SOBP: variants seen among roughly 807,000 people sequenced by gnomAD.
SOBP encodes the protein sine oculis-binding protein homolog.
SOBP carries 4 observed loss-of-function variants against 53.6 expected under a neutral mutation model. The observed-to-expected ratio is 0.07, with a 90% CI of 0.04 to 0.17. The LOEUF (loss-of-function observed/expected upper bound fraction) is 0.17, where lower values mean the gene tolerates loss of function less well. Ranked by LOEUF, SOBP falls within the 10% of genes least tolerant of loss-of-function variation. SOBP has a pLI of 1.00. For missense variants in SOBP, 1,088 were observed against 1,204.7 expected, an observed-to-expected ratio of 0.90 and a Z score of 1.43; for synonymous variants, 584 against 522.6, an observed-to-expected ratio of 1.12 and a Z score of -1.60.
intron 6 of SOBP, among the ~76,000 whole-genome samples, chr6:107,656,371 A>AAGAAAGAAAGAAAGAC (rs139349510): frequency 2.5e-5 from 2 of 79,320 alleles, no homozygotes; most frequent in Admixed American, 2.6e-4. Context: ...GAAAGAAAGT[A>AAGAAAGAAAGAAAGAC]AGTCAAATGT....
At chr6:107,576,104 C>T (rs551586449) in intron 4 of SOBP, among the ~76,000 whole-genome samples, 3 of 152,280 alleles carry the variant, frequency 2.0e-5, no homozygotes, top group African/African-American at 7.2e-5. Context: ...CTGATAGCAC[C>T]TCCGTTAACA....
At chr6:107,530,925 G>A (rs1234616744) in intron 3 of SOBP, among the ~76,000 whole-genome samples, 2 of 152,158 alleles carry the variant, frequency 1.3e-5, no homozygotes, top group Non-Finnish European at 1.5e-5. Context: ...TAGGTCCTTT[G>A]TAAGAAAGTA....
intron 4 of SOBP, among the ~76,000 whole-genome samples, chr6:107,539,261 T>C (rs967027216): frequency 1.3e-5 from 2 of 152,200 alleles, no homozygotes; most frequent in African/African-American, 4.8e-5. Context: ...TGGACATCAG[T>C]TTCTGAATAA....
intron 5 of SOBP, among the ~76,000 whole-genome samples, chr6:107,611,186 C>T (rs989828649): frequency 1.3e-5 from 2 of 152,216 alleles, no homozygotes; most frequent in Non-Finnish European, 2.9e-5. Context: ...AGGCCTGTGC[C>T]AATAACTGAG....
At chr6:107,497,270 T>C (rs1782725483) in intron 1 of SOBP, among the ~76,000 whole-genome samples, 1 of 152,254 alleles carries the variant, frequency 6.6e-6, no homozygotes, top group Non-Finnish European at 1.5e-5. Flanking sequence ...TGGGAGTTTC[T>C]TTTTCCTTTG....
chr6:107,549,547 G>A (rs567280423), intron 4 of SOBP, among the ~76,000 whole-genome samples: 25 of 151,920 alleles, frequency 1.6e-4, no homozygotes, highest in African/African-American at 6.0e-4. Flanking sequence ...CAGAGTAAAT[G>A]GAGTTAGAAC....
In SOBP at chr6:107,490,395, C is replaced by T. The variant is rs1782545293; in HGVS notation, c.-222C>T. The T allele has an allele frequency of 4.7e-6, 2 of 428,136 alleles. No individual in the cohort carries two copies. The highest frequency in any genetic ancestry group is 2.1e-5 in the South Asian group (1 of 47,046). The allele number at this position is 428,136 out of a possible 1,614,324, so 26.5% of individuals were successfully genotyped here. On this transcript the variant is annotated 5_prime_UTR_variant, in exon 1 of 7. Coordinates refer to ENST00000317357, the MANE Select transcript of SOBP (RefSeq NM_018013.4). ...GGCGGCATCCCCGAGACTCTCCGCA[C>T]TATCCTTACCCGTGACAGCCACTGA...
intron 1 of SOBP, among the ~76,000 whole-genome samples, chr6:107,501,686 C>T (rs1180862751): frequency 6.6e-6 from 1 of 152,044 alleles, no homozygotes; most frequent in Non-Finnish European, 1.5e-5. Flanking sequence ...TAGGGATTGT[C>T]ATTCTCAAGT....
At chr6:107,611,720 C>T (rs901373677) in intron 5 of SOBP, among the ~76,000 whole-genome samples, 6 of 152,310 alleles carry the variant, frequency 3.9e-5, no homozygotes, top group Non-Finnish European at 2.9e-5. Context: ...AGAAGCTGTG[C>T]AGTGTTACCT....
intron 6 of SOBP, among the ~76,000 whole-genome samples, chr6:107,642,289 T>A (rs1583304714): frequency 6.6e-6 from 1 of 151,322 alleles, no homozygotes; most frequent in East Asian, 1.9e-4. Context: ...CATGAGACCA[T>A]CAACAGGGAG....
chr6:107,544,666 C>G (rs1784244749), intron 4 of SOBP, among the ~76,000 whole-genome samples: 1 of 152,180 alleles, frequency 6.6e-6, no homozygotes, highest in Admixed American at 6.5e-5. Context: ...AGTGTGATTT[C>G]TAATTTTGGC....
At chr6:107,641,784 G>A (rs528385294) in intron 6 of SOBP, among the ~76,000 whole-genome samples, 28 of 152,212 alleles carry the variant, frequency 1.8e-4, no homozygotes, top group Non-Finnish European at 3.5e-4. Flanking sequence ...CTGCAGAGGG[G>A]CAGAGATGTC....
intron 4 of SOBP, among the ~76,000 whole-genome samples, chr6:107,574,083 T>C (rs541124364): frequency 2.0e-5 from 3 of 152,332 alleles, no homozygotes; most frequent in African/African-American, 7.2e-5. Context: ...TGCCCCACTG[T>C]CTACATTCTT....
chr6:107,492,854 CTCT>C (rs1453085518), intron 1 of SOBP, among the ~76,000 whole-genome samples: 1 of 152,156 alleles, frequency 6.6e-6, no homozygotes, highest in East Asian at 1.9e-4. Context: ...AGTGTTTTCT[CTCT>C]TCTTTGGACC....
Position 107,528,220 on chromosome 6 carries a change from T to C in SOBP, c.422-5239T>C, listed in dbSNP as rs933455920. ...GTGTTTTAATGGTTCATAAGAAACA[T>C]TTAGCCAAAGAAATGACCTTCTAGT... is the stretch of plus-strand genomic sequence containing the variant. On this transcript the variant is annotated intron_variant, in intron 3 of 6. Transcript: ENST00000317357. 1.3e-4 allele frequency among the ~76,000 whole-genome samples: 20 copies of C among 152,226 alleles called. 1 individual carries two copies. Among genetic ancestry groups the C allele is most frequent in the Non-Finnish European group, 2.9e-5 (2 of 68,038 alleles).
chr6:107,600,097 CT>C (rs1786122134), intron 5 of SOBP, among the ~76,000 whole-genome samples: 2 of 152,364 alleles, frequency 1.3e-5, no homozygotes, highest in Admixed American at 1.3e-4. Context: ...GACCTAATGT[CT>C]TTCCTCTGTC....
intron 4 of SOBP, among the ~76,000 whole-genome samples, chr6:107,581,239 A>G (rs562599769): frequency 6.6e-6 from 1 of 152,324 alleles, no homozygotes; most frequent in East Asian, 1.9e-4. Context: ...CAGGAGGAAG[A>G]GTCACTGATG....
intron 3 of SOBP, among the ~76,000 whole-genome samples, chr6:107,528,831 G>A (rs1783739775): frequency 6.6e-6 from 1 of 152,196 alleles, no homozygotes; most frequent in Non-Finnish European, 1.5e-5. Context: ...GTGGTCAAGA[G>A]CTTGGGCTCT....
rs781769553 is a variant in SOBP at position 107,633,910 on chromosome 6, A to C, written c.1066A>C (p.Ser356Arg). The change falls in exon 6 of 7, where the codon AGC becomes CGC. Residue 356 changes from serine to arginine, a missense_variant. Physicochemically the swap from Ser to Arg is moderately radical, Grantham distance 110. This residue lies in a region of SOBP where 211 missense variants were observed against 258.9 expected (regional missense o/e 0.82). Transcript: ENST00000317357. ...PTPVPKSIPI[S>R]ETPNIPPVSV... ...GCCAGTGCCCAAGTCCATCCCCATC[A>C]GCGAGACTCCAAATATCCCTCCTGT... 1.2e-6 allele frequency: 2 copies of C among 1,613,820 alleles called. No individual in the cohort carries two copies. The highest frequency in any genetic ancestry group is 1.7e-6 in the Non-Finnish European group (2 of 1,179,974).
Sources: gnomAD v4.1 joint callset for allele counts (sites outside exome capture counted in the v4.1 genomes callset) on GRCh38, gnomAD v4.1.1 for gene constraint, gnomAD v4.1.1 regional missense constraint, MANE v1.5 for transcripts, NCBI Gene and HGNC (gene_info 2026-07-23, HGNC 2026-07-21) for gene names.